Variants in KCNB2 observed in about 807,000 individuals in gnomAD.
KCNB2 encodes the protein delayed rectifier potassium channel protein.
In KCNB2, 15 loss-of-function variants were observed where a neutral mutation model predicts 61.5. That is an observed-to-expected ratio of 0.24 (90% confidence interval 0.16 to 0.38). The LOEUF (loss-of-function observed/expected upper bound fraction) is 0.38, where lower values mean the gene tolerates loss of function less well. Ranked by LOEUF, KCNB2 falls within the 10% of genes least tolerant of loss-of-function variation. KCNB2 has a pLI of 1.00. For synonymous variants in KCNB2, 457 were observed against 446.0 expected, an observed-to-expected ratio of 1.02 and a Z score of -0.31; for missense variants, 828 against 1,125.2, an observed-to-expected ratio of 0.74 and a Z score of 3.78.
chr8:72,707,384 C>T (rs957769484), intron 2 of KCNB2, among the ~76,000 whole-genome samples: 1 of 152,072 alleles, frequency 6.6e-6, no homozygotes, highest in Non-Finnish European at 1.5e-5. Flanking sequence ...CCTAATTGTC[C>T]CCATATTTCG....
intron 2 of KCNB2, among the ~76,000 whole-genome samples, chr8:72,690,421 A>T (rs889553297): frequency 1.3e-5 from 2 of 152,236 alleles, no homozygotes; most frequent in Non-Finnish European, 2.9e-5. Flanking sequence ...CCAATTGAGG[A>T]TCCCTCCTTT....
At chr8:72,725,714 C>T (rs1807639223) in intron 2 of KCNB2, among the ~76,000 whole-genome samples, 3 of 150,636 alleles carry the variant, frequency 2.0e-5, no homozygotes, top group Non-Finnish European at 4.4e-5. Flanking sequence ...CTTTCCAGCC[C>T]CGGTCCTTCT....
chr8:72,850,933 G>A (rs1014678150), intron 2 of KCNB2, among the ~76,000 whole-genome samples: 6 of 152,212 alleles, frequency 3.9e-5, no homozygotes, highest in Non-Finnish European at 4.4e-5. Flanking sequence ...GTCTAATTCG[G>A]TATTCCATAG....
intron 2 of KCNB2, among the ~76,000 whole-genome samples, chr8:72,804,016 G>A (rs1480182274): frequency 5.3e-5 from 8 of 152,168 alleles, no homozygotes; most frequent in Non-Finnish European, 1.0e-4. Flanking sequence ...ATGAACGCAC[G>A]TGAGTGGACA....
chr8:72,569,736 G>A (rs906338847), intron 2 of KCNB2, among the ~76,000 whole-genome samples: 6 of 152,108 alleles, frequency 3.9e-5, no homozygotes, highest in South Asian at 4.1e-4. Context: ...CAAAAAATAT[G>A]GAGTGAATTT....
chr8:72,566,842 A>G (rs1278557978), intron 1 of KCNB2, among the ~76,000 whole-genome samples: 2 of 152,130 alleles, frequency 1.3e-5, no homozygotes, highest in Non-Finnish European at 2.9e-5. Flanking sequence ...TAGGAGCTAT[A>G]ATTGGTAAGA....
intron 2 of KCNB2, among the ~76,000 whole-genome samples, chr8:72,723,889 C>G (rs2128992953): frequency 6.6e-6 from 1 of 152,340 alleles, no homozygotes; most frequent in East Asian, 1.9e-4. Context: ...TTAGCCGTGA[C>G]TTGTTAAATT....
chr8:72,581,108 A>C (rs116193647), intron 2 of KCNB2, among the ~76,000 whole-genome samples: 1 of 152,270 alleles, frequency 6.6e-6, no homozygotes, highest in African/African-American at 2.4e-5. Flanking sequence ...CACTGAACTC[A>C]ACAGAGTATT....
intron 2 of KCNB2, among the ~76,000 whole-genome samples, chr8:72,839,919 T>C (rs10087313): frequency 0.15 from 22,928 of 151,950 alleles, 2,377 homozygotes; most frequent in African/African-American, 0.29. Flanking sequence ...AGCCTTTTTT[T>C]TTTTTTAATA....
chr8:72,765,443 G>C (rs1483911960), intron 2 of KCNB2, among the ~76,000 whole-genome samples: 1 of 152,148 alleles, frequency 6.6e-6, no homozygotes, highest in African/African-American at 2.4e-5. Context: ...TAGTTAAAAG[G>C]AATATTTCTC....
At position 72,812,584 on chromosome 8, in the gene KCNB2, G is replaced by A. The variant is rs1809324943; in HGVS notation, c.580-123351G>A. Among the ~76,000 whole-genome samples, 2 of 151,850 alleles carry A rather than the reference G, an allele frequency of 1.3e-5. 1 individual carries two copies. Among genetic ancestry groups the A allele is most frequent in the South Asian group, 4.1e-4 (2 of 4,832 alleles). On this transcript the variant is annotated intron_variant, in intron 2 of 2. Coordinates refer to ENST00000523207, the MANE Select transcript of KCNB2 (RefSeq NM_004770.3). ...TTTATCAATTCTTACTTTAAATCATGTTTTTTTAAATAGAAATAGTTGCTG... is the reference window on the plus strand; with the variant it reads ...TTTATCAATTCTTACTTTAAATCATATTTTTTTAAATAGAAATAGTTGCTG...
intron 2 of KCNB2, among the ~76,000 whole-genome samples, chr8:72,920,467 A>ATATATGTGTGTG (rs1333914273): frequency 1.1e-5 from 1 of 88,664 alleles, no homozygotes; most frequent in Admixed American, 1.1e-4. Context: ...CTATCTATCT[A>ATATATGTGTGTG]TCTATCTATA....
chr8:72,753,325 A>T (rs1373740825), intron 2 of KCNB2, among the ~76,000 whole-genome samples: 1 of 152,226 alleles, frequency 6.6e-6, no homozygotes, highest in East Asian at 1.9e-4. Context: ...CATCATAATG[A>T]TCATTTTAGC....
chr8:72,862,364 A>C (rs925258440), intron 2 of KCNB2, among the ~76,000 whole-genome samples: 1 of 152,210 alleles, frequency 6.6e-6, no homozygotes, highest in Non-Finnish European at 1.5e-5. Context: ...TCATGAACGC[A>C]CTAGTATTTT....
At chr8:72,668,953 T>C (rs571077114) in intron 2 of KCNB2, among the ~76,000 whole-genome samples, 5 of 152,190 alleles carry the variant, frequency 3.3e-5, no homozygotes, top group South Asian at 4.2e-4. Context: ...GTGTGTGTCT[T>C]TTCTCCTTGG....
intron 2 of KCNB2, among the ~76,000 whole-genome samples, chr8:72,873,674 C>T (rs1214655212): frequency 6.6e-6 from 1 of 152,248 alleles, no homozygotes; most frequent in African/African-American, 2.4e-5. Flanking sequence ...ATAATCTGGT[C>T]TTCTGTATTT....
At chr8:72,606,657 A>T (rs941934262) in intron 2 of KCNB2, among the ~76,000 whole-genome samples, 1 of 152,114 alleles carries the variant, frequency 6.6e-6, no homozygotes, top group Non-Finnish European at 1.5e-5. Context: ...CCAGCATGTG[A>T]TTTACATGAA....
At chr8:72,930,021 T>A (rs1585982839) in intron 2 of KCNB2, among the ~76,000 whole-genome samples, 1 of 144,022 alleles carries the variant, frequency 6.9e-6, no homozygotes, top group East Asian at 2.1e-4. Context: ...CATTGTTCAA[T>A]TCCCACCTAT....
At chr8:72,646,381 A>G (rs114895256) in intron 2 of KCNB2, among the ~76,000 whole-genome samples, 2,808 of 152,260 alleles carry the variant, frequency 0.018, 69 homozygotes, top group African/African-American at 0.062. Context: ...GGGTGAATAT[A>G]GTGATTGTCC....
Sources: gnomAD v4.1 joint callset for allele counts (sites outside exome capture counted in the v4.1 genomes callset) on GRCh38, gnomAD v4.1.1 for gene constraint, MANE v1.5 for transcripts, NCBI Gene and HGNC (gene_info 2026-07-23, HGNC 2026-07-21) for gene names.